Variants in CD44 observed in about 807,000 individuals in gnomAD.
CD44 encodes CD44 molecule (IN blood group).
In CD44, 49 loss-of-function variants were observed where a neutral mutation model predicts 88.8. That is an observed-to-expected ratio of 0.55 (90% CI 0.44 to 0.70). The LOEUF is 0.70. Among genes scored for constraint, CD44 ranks in the 30% least tolerant of loss-of-function variants. The pLI is 0.00. For synonymous variants in CD44, 325 were observed against 312.3 expected (o/e 1.04, Z -0.43); for missense variants, 883 against 913.8 (o/e 0.97, Z 0.43).
intron 15 of CD44, among the ~76,000 whole-genome samples, chr11:35,216,477 C>T (rs1474996): frequency 0.022 from 3,419 of 152,286 alleles, 294 homozygotes; most frequent in East Asian, 0.22. Flanking sequence ...TACATGGTGG[C>T]TTCCACAATA....
At chr11:35,226,350 A>G (rs1272763718) in intron 17 of CD44, among the ~76,000 whole-genome samples, 1 of 152,162 alleles carries the variant, frequency 6.6e-6, no homozygotes, top group Non-Finnish European at 1.5e-5. Flanking sequence ...TCAACCACCC[A>G]TTGGTTAGGG....
intron 12 of CD44, among the ~76,000 whole-genome samples, chr11:35,209,019 C>T (rs1036300581): frequency 6.6e-6 from 1 of 152,114 alleles, no homozygotes; most frequent in Non-Finnish European, 1.5e-5. Context: ...TGCAAATAAG[C>T]CTATGAATGG....
At chr11:35,186,690 C>A in intron 3 of CD44, 142 bp from the exon 4 acceptor site, 13 of 570,560 alleles carry the variant, frequency 2.3e-5, no homozygotes, top group South Asian at 1.4e-4. Flanking sequence ...AGAGAAATTC[C>A]TAGCCAACTT....
intron 10 of CD44, among the ~76,000 whole-genome samples, chr11:35,205,393 T>C (rs1039259684): frequency 1.5e-4 from 23 of 152,208 alleles, no homozygotes; most frequent in African/African-American, 5.5e-4. Flanking sequence ...TAGAAGATAA[T>C]GCATCATGTC....
At chr11:35,196,430 G>A (rs1279963865) in intron 5 of CD44, among the ~76,000 whole-genome samples, 3 of 152,034 alleles carry the variant, frequency 2.0e-5, no homozygotes, top group African/African-American at 7.3e-5. Context: ...ATGCGTTCCT[G>A]GAGCCCTCAC....
At chr11:35,220,153 C>T (rs955094743) in intron 16 of CD44, among the ~76,000 whole-genome samples, 6 of 152,148 alleles carry the variant, frequency 3.9e-5, no homozygotes, top group Non-Finnish European at 7.4e-5. Flanking sequence ...GCACCGTTCT[C>T]CTTTGCCCCA....
rs1392287464 is a variant in CD44 at position 35,176,762 on chromosome 11, A to G, written c.233+22A>G. 3.1e-6 allele frequency: 5 copies of G among 1,606,608 alleles called. No individual in the cohort carries two copies. In the Admixed American group the frequency reaches 6.8e-5, roughly 22 times the overall value. On this transcript the variant is annotated intron_variant, in intron 2 of 17. Transcript: ENST00000428726. ...GCAGGTAAGAGACCAGCACCCGACC[A>G]CTGGGGAAAGCTGGCGGCCTGGGAC...
intron 16 of CD44, among the ~76,000 whole-genome samples, chr11:35,220,886 C>T (rs1949244994): frequency 6.6e-6 from 1 of 151,462 alleles, no homozygotes; most frequent in African/African-American, 2.4e-5. Context: ...CCTGCCTCAG[C>T]CTCCTGAGTA....
chr11:35,219,279 T>A, intron 15 of CD44, 37 bp from the exon 16 acceptor site: 1 of 1,542,592 alleles, frequency 6.5e-7, no homozygotes, highest in Non-Finnish European at 9.0e-7. Context: ...GTTACACATT[T>A]CAAACTTTGG....
At chr11:35,207,999 C>T in intron 11 of CD44, 106 bp from the exon 12 acceptor site, 1 of 693,660 alleles carries the variant, frequency 1.4e-6, no homozygotes, top group African/African-American at 1.8e-5. Flanking sequence ...GCTTTCTTTC[C>T]TCTTGGCCAG....
intron 3 of CD44, among the ~76,000 whole-genome samples, chr11:35,180,877 G>T (rs35605320): frequency 0.16 from 25,016 of 152,168 alleles, 2,185 homozygotes; most frequent in Middle Eastern, 0.28. Flanking sequence ...TGATAAAAGT[G>T]CTATAAAAAA....
chr11:35,223,417 G>A (rs753974621), intron 17 of CD44: 5 of 367,684 alleles, frequency 1.4e-5, no homozygotes, highest in African/African-American at 2.2e-5. Flanking sequence ...CCATAGAAAC[G>A]CTGGCATGGA....
At chr11:35,199,191 A>C (rs1316287253) in intron 7 of CD44, among the ~76,000 whole-genome samples, 1 of 152,226 alleles carries the variant, frequency 6.6e-6, no homozygotes, top group Non-Finnish European at 1.5e-5. Context: ...GCCACTTATT[A>C]AAAGCAAATA....
intron 17 of CD44, among the ~76,000 whole-genome samples, chr11:35,226,880 CTT>C (rs367551052): frequency 0.065 from 6,894 of 105,742 alleles, 89 homozygotes; most frequent in African/African-American, 0.075. Context: ...TTCTTTTTTC[CTT>C]TTTTTTTTTT....
intron 1 of CD44, among the ~76,000 whole-genome samples, chr11:35,160,741 T>C (rs1942489963): frequency 6.6e-6 from 1 of 152,184 alleles, no homozygotes; most frequent in African/African-American, 2.4e-5. Flanking sequence ...TTCAACCTAA[T>C]GTTCTTCCCA....
At chr11:35,170,851 T>C (rs554461409) in intron 1 of CD44, among the ~76,000 whole-genome samples, 108 of 152,356 alleles carry the variant, frequency 7.1e-4, no homozygotes, top group Non-Finnish European at 1.2e-3. Flanking sequence ...CCAGAGACAC[T>C]GGCACTCTGT....
chr11:35,206,058 C>T (rs1021057342), intron 10 of CD44, 54 bp from the exon 11 acceptor site: 17 of 1,546,228 alleles, frequency 1.1e-5, no homozygotes, highest in African/African-American at 5.6e-5. Context: ...TCGGTGTATC[C>T]CTGACCAAGC....
In CD44 at chr11:35,146,106, C is replaced by T. The variant is rs1044028599; in HGVS notation, c.67+6736C>T. ...GGAAACTCACAGAGCCAGATCTCCCCGAGTTTGAGTTGCACTGGCTGCCTG... is the reference window on the plus strand; with the variant it reads ...GGAAACTCACAGAGCCAGATCTCCCTGAGTTTGAGTTGCACTGGCTGCCTG... On this transcript the variant is annotated intron_variant, in intron 1 of 17. Coordinates refer to ENST00000428726, the MANE Select transcript of CD44 (RefSeq NM_000610.4). Among the ~76,000 whole-genome samples the T allele has an allele frequency of 1.2e-4, 19 of 152,230 alleles. No homozygotes were observed. The East Asian group carries it at 1.3e-3, about 11-fold the overall frequency.
At chr11:35,181,923 A>ATG (rs1337606680) in intron 3 of CD44, among the ~76,000 whole-genome samples, 1 of 76,598 alleles carries the variant, frequency 1.3e-5, no homozygotes, top group Non-Finnish European at 2.4e-5. Flanking sequence ...ATTATATATT[A>ATG]TATTATATAT....
Sources: gnomAD v4.1 joint callset for allele counts (sites outside exome capture counted in the v4.1 genomes callset) on GRCh38, gnomAD v4.1.1 for gene constraint, MANE v1.5 for transcripts, NCBI Gene and HGNC (gene_info 2026-07-23, HGNC 2026-07-21) for gene names.